Variants in CACNA1C observed in about 807,000 individuals in gnomAD.
The protein encoded by CACNA1C is voltage-dependent L-type calcium channel subunit alpha-1C.
CACNA1C carries 30 observed loss-of-function variants against 229.0 expected under a neutral mutation model. The ratio of observed to expected loss-of-function variants is 0.13; its 90% CI spans 0.10 to 0.18. The LOEUF (loss-of-function observed/expected upper bound fraction) is 0.18, where lower values mean the gene tolerates loss of function less well. Ranked by LOEUF, CACNA1C falls within the 10% of genes least tolerant of loss-of-function variation. The pLI is 1.00. For synonymous variants in CACNA1C, 1,114 were observed against 1,132.5 expected (o/e 0.98, Z 0.33); for missense variants, 1,658 against 2,845.0 (o/e 0.58, Z 9.49).
intron 1 of CACNA1C, among the ~76,000 whole-genome samples, chr12:2,015,314 G>C (rs1023520329): frequency 6.6e-6 from 1 of 152,178 alleles, no homozygotes; most frequent in African/African-American, 2.4e-5. Context: ...ATAAGACTGT[G>C]TTAGCTTATC....
At chr12:2,558,478 T>C (rs1278538001) in intron 11 of CACNA1C, among the ~76,000 whole-genome samples, 4 of 152,330 alleles carry the variant, frequency 2.6e-5, no homozygotes, top group Admixed American at 2.6e-4. Context: ...ATACCTCAGC[T>C]GAGGACATGG....
chr12:2,397,724 T>A (rs182334163), intron 3 of CACNA1C, among the ~76,000 whole-genome samples: 4 of 152,238 alleles, frequency 2.6e-5, no homozygotes, highest in Admixed American at 2.6e-4. Context: ...CACCTGTGAG[T>A]GGGATTAGAG....
intron 1 of CACNA1C, among the ~76,000 whole-genome samples, chr12:2,059,246 C>T (rs537634189): frequency 1.3e-5 from 2 of 151,790 alleles, no homozygotes; most frequent in South Asian, 4.2e-4. Flanking sequence ...GAGGGGAAGC[C>T]AGAGGAGCCC....
At chr12:2,448,870 G>C (rs991614019) in intron 3 of CACNA1C, 106 bp from the exon 4 acceptor site, 45 of 920,546 alleles carry the variant, frequency 4.9e-5, no homozygotes, top group Middle Eastern at 2.3e-4. Context: ...CACCACAGAG[G>C]GGGCAGCATT....
At chr12:2,418,495 G>C (rs770251408) in intron 3 of CACNA1C, among the ~76,000 whole-genome samples, 1 of 152,210 alleles carries the variant, frequency 6.6e-6, no homozygotes, top group Non-Finnish European at 1.5e-5. Flanking sequence ...ACAGCAGACT[G>C]TTGCTCAGTT....
intron 3 of CACNA1C, among the ~76,000 whole-genome samples, chr12:2,185,128 A>G (rs983961381): frequency 3.3e-5 from 5 of 152,142 alleles, no homozygotes; most frequent in Non-Finnish European, 2.9e-5. Context: ...GCCATCTCCA[A>G]GTTGTCTCTC....
At chr12:2,184,885 A>G (rs533232308) in intron 3 of CACNA1C, among the ~76,000 whole-genome samples, 4 of 152,338 alleles carry the variant, frequency 2.6e-5, no homozygotes, top group African/African-American at 7.2e-5. Flanking sequence ...TAAAGGGCTC[A>G]TGGTGAATTA....
chr12:2,370,619 T>C (rs1025856004), intron 3 of CACNA1C, among the ~76,000 whole-genome samples: 4 of 152,192 alleles, frequency 2.6e-5, no homozygotes, highest in Admixed American at 2.0e-4. Context: ...TAAATATGCA[T>C]AGTATCACAT....
At chr12:2,648,391 C>A in intron 30 of CACNA1C, 84 bp from the exon 31 acceptor site, 3 of 1,277,894 alleles carry the variant, frequency 2.3e-6, no homozygotes, top group Non-Finnish European at 3.4e-6. Flanking sequence ...CACTGTGTTG[C>A]TCCCGTGTCA....
chr12:2,281,380 C>G (rs1044226740), intron 3 of CACNA1C, among the ~76,000 whole-genome samples: 1 of 152,080 alleles, frequency 6.6e-6, no homozygotes, highest in African/African-American at 2.4e-5. Context: ...ACCCTTGATT[C>G]CTTTATGTAG....
intron 3 of CACNA1C, among the ~76,000 whole-genome samples, chr12:2,246,369 G>A (rs1441032575): frequency 6.6e-6 from 1 of 152,198 alleles, no homozygotes; most frequent in Non-Finnish European, 1.5e-5. Flanking sequence ...TGCTGAATAG[G>A]AGGCTGTAGT....
chr12:2,377,932 C>T (rs757912042), intron 3 of CACNA1C, among the ~76,000 whole-genome samples: 6 of 152,080 alleles, frequency 3.9e-5, no homozygotes, highest in Non-Finnish European at 7.4e-5. Flanking sequence ...TGAGTGCTCC[C>T]GTAAGCTTTG....
At chr12:2,297,304 C>T (rs1412017233) in intron 3 of CACNA1C, among the ~76,000 whole-genome samples, 1 of 152,178 alleles carries the variant, frequency 6.6e-6, no homozygotes, top group African/African-American at 2.4e-5. Flanking sequence ...ATTGTTTTAT[C>T]CATAGCATTG....
intron 3 of CACNA1C, among the ~76,000 whole-genome samples, chr12:2,351,367 G>A (rs866506802): frequency 3.3e-5 from 5 of 152,136 alleles, no homozygotes; most frequent in Admixed American, 1.3e-4. Flanking sequence ...CCCAGCCTCC[G>A]ATGGCCATTG....
At chr12:2,431,659 A>G (rs1395461378) in intron 3 of CACNA1C, among the ~76,000 whole-genome samples, 2 of 152,202 alleles carry the variant, frequency 1.3e-5, no homozygotes, top group East Asian at 3.8e-4. Flanking sequence ...GAGATCATCT[A>G]CATAAAACAT....
At chr12:2,657,815 G>T (rs576048635) in intron 34 of CACNA1C, among the ~76,000 whole-genome samples, 2 of 152,080 alleles carry the variant, frequency 1.3e-5, no homozygotes, top group Non-Finnish European at 2.9e-5. Context: ...CAATGTAGAC[G>T]TAATAATAGC....
At chr12:2,263,008 C>T (rs1310088725) in intron 3 of CACNA1C, among the ~76,000 whole-genome samples, 1 of 152,118 alleles carries the variant, frequency 6.6e-6, no homozygotes, top group Non-Finnish European at 1.5e-5. Flanking sequence ...AAATACGATA[C>T]ATAATATTAG....
chr12:2,198,311 C>A (rs974554579), intron 3 of CACNA1C, among the ~76,000 whole-genome samples: 1 of 152,198 alleles, frequency 6.6e-6, no homozygotes, highest in Non-Finnish European at 1.5e-5. Flanking sequence ...CTCTGCCTCC[C>A]CCCGGAGAGG....
At chr12:2,688,151 G>A (rs2097612769) in intron 45 of CACNA1C, among the ~76,000 whole-genome samples, 1 of 152,222 alleles carries the variant, frequency 6.6e-6, no homozygotes, top group South Asian at 2.1e-4. Flanking sequence ...CAGCTGACAG[G>A]TGACCAGGCC....
Sources: gnomAD v4.1 joint callset for allele counts (sites outside exome capture counted in the v4.1 genomes callset) on GRCh38, gnomAD v4.1.1 for gene constraint, MANE v1.5 for transcripts, NCBI Gene and HGNC (gene_info 2026-07-23, HGNC 2026-07-21) for gene names.